Variants in DNAAF9 observed in about 807,000 individuals in gnomAD.
DNAAF9 encodes dynein axonemal assembly factor 9, also known as shulin.
A neutral mutation model predicts 167.0 loss-of-function variants in DNAAF9; 90 were observed. The ratio of observed to expected loss-of-function variants is 0.54; its 90% confidence interval spans 0.45 to 0.64. The LOEUF (loss-of-function observed/expected upper bound fraction) is 0.64, where lower values mean the gene tolerates loss of function less well. Among genes scored for constraint, DNAAF9 ranks in the 30% least tolerant of loss-of-function variants. DNAAF9 has a pLI of 0.00. For missense variants in DNAAF9, 1,315 were observed against 1,442.2 expected, an observed-to-expected ratio of 0.91 and a Z score of 1.43; for synonymous variants, 491 against 508.8, an observed-to-expected ratio of 0.96 and a Z score of 0.47.
In DNAAF9 at chr20:3,290,167, G is replaced by C; in HGVS notation, c.2289C>G (p.Leu763=). The stretch of plus-strand genomic sequence containing the variant: ...TATGCAGAGTGACCAGAAAAGCACA[G>C]AGCTCGCTAGCGTGACAGCCTGGGA... ...TGLPGCHASE[L]CAFLVTLHKE... The change falls in exon 26 of 37, where the codon CTC becomes CTG. Residue 763 remains leucine (L), a synonymous_variant. Transcript: ENST00000252032. 6.2e-7 allele frequency: 1 copy of C among 1,613,236 alleles called. No individual in the cohort carries two copies. Among genetic ancestry groups the C allele is most frequent in the Non-Finnish European group, 8.5e-7 (1 of 1,179,142 alleles).
At chr20:3,399,645 A>G (rs1251789001) in intron 1 of DNAAF9, among the ~76,000 whole-genome samples, 2 of 152,134 alleles carry the variant, frequency 1.3e-5, no homozygotes, top group Middle Eastern at 3.2e-3. Flanking sequence ...TCTAAAGAGA[A>G]CTGACTCAAC....
intron 29 of DNAAF9, among the ~76,000 whole-genome samples, chr20:3,277,416 C>G (rs1381290187): frequency 9.9e-5 from 15 of 152,206 alleles, no homozygotes; most frequent in Admixed American, 9.8e-4. Flanking sequence ...AACTCTATAT[C>G]TGGATACTGG....
At chr20:3,370,727 A>T (rs6037580) in intron 6 of DNAAF9, among the ~76,000 whole-genome samples, 1 of 151,970 alleles carries the variant, frequency 6.6e-6, no homozygotes, top group Admixed American at 6.6e-5. Context: ...TAATTTTTTT[A>T]AAATTTTTTT....
intron 9 of DNAAF9, among the ~76,000 whole-genome samples, chr20:3,341,020 G>C (rs578148194): frequency 9.1e-4 from 139 of 152,182 alleles, no homozygotes; most frequent in African/African-American, 3.2e-3. Context: ...ATGATACTTG[G>C]ACTAGACAGA....
intron 8 of DNAAF9, among the ~76,000 whole-genome samples, chr20:3,344,638 C>CT (rs1568617740): frequency 7.5e-6 from 1 of 132,794 alleles, no homozygotes; most frequent in African/African-American, 3.0e-5. Context: ...CACACACACA[C>CT]ACCTCATGTA....
chr20:3,327,166 T>G (rs984427020), intron 12 of DNAAF9, among the ~76,000 whole-genome samples: 2 of 152,182 alleles, frequency 1.3e-5, no homozygotes, highest in Non-Finnish European at 2.9e-5. Context: ...CTGGTTCATT[T>G]CAGGGAACCA....
intron 20 of DNAAF9, 83 bp from the exon 21 acceptor site, chr20:3,304,626 G>GT (rs1256842058): frequency 1.3e-5 from 9 of 713,500 alleles, no homozygotes; most frequent in Non-Finnish European, 2.3e-5. Context: ...CAGCAGTGTG[G>GT]TAACTAGAGG....
At chr20:3,263,520 G>C (rs2068431385) in intron 31 of DNAAF9, among the ~76,000 whole-genome samples, 1 of 152,112 alleles carries the variant, frequency 6.6e-6, no homozygotes, top group Non-Finnish European at 1.5e-5. Flanking sequence ...ATTCAACCTG[G>C]GTTTGAAATC....
chr20:3,302,631 C>T (rs2069210821), intron 21 of DNAAF9, among the ~76,000 whole-genome samples: 2 of 152,162 alleles, frequency 1.3e-5, no homozygotes, highest in Non-Finnish European at 2.9e-5. Context: ...TATTTACATA[C>T]ACAACATGGA....
rs994378228 is a variant in DNAAF9, at chr20:3,407,568, G to A, written c.-11C>T. 34 of 1,233,940 alleles carry A rather than the reference G, an allele frequency of 2.8e-5. No individual in the cohort carries two copies. The highest frequency in any genetic ancestry group is 3.4e-5 in the Non-Finnish European group (34 of 989,300). 76.4% of individuals were successfully genotyped at this position (1,233,940 alleles called of 1,614,324 possible). On this transcript the variant is annotated 5_prime_UTR_variant, in exon 1 of 37. Coordinates refer to ENST00000252032, the MANE Select transcript of DNAAF9 (RefSeq NM_001009984.3). ...GGGGTACACGTCCATGGCGGCGGACGACTGGCGGCGGAGGAGGACGGTGCA... is the reference window on the plus strand; with the variant it reads ...GGGGTACACGTCCATGGCGGCGGACAACTGGCGGCGGAGGAGGACGGTGCA...
intron 30 of DNAAF9, among the ~76,000 whole-genome samples, chr20:3,265,558 G>C (rs1269687289): frequency 2.3e-4 from 28 of 121,832 alleles, no homozygotes; most frequent in African/African-American, 8.4e-4. Context: ...CTGGGTGACA[G>C]AGTGAGACTC....
At chr20:3,340,833 G>T (rs2070071016) in intron 9 of DNAAF9, 194 bp from the exon 10 acceptor site, 2 of 568,134 alleles carry the variant, frequency 3.5e-6, no homozygotes, top group South Asian at 4.1e-5. Flanking sequence ...GACCCACAGG[G>T]ATCAGTTAAC....
intron 6 of DNAAF9, among the ~76,000 whole-genome samples, chr20:3,363,643 A>C (rs559195208): frequency 6.6e-6 from 1 of 152,098 alleles, no homozygotes; most frequent in Non-Finnish European, 1.5e-5. Context: ...GTATGAGCCC[A>C]GGAGTTCAAG....
chr20:3,402,434 A>G (rs1321879593), intron 1 of DNAAF9, among the ~76,000 whole-genome samples: 3 of 152,140 alleles, frequency 2.0e-5, no homozygotes, highest in Non-Finnish European at 2.9e-5. Flanking sequence ...ATATATAATC[A>G]TTAACTATAG....
chr20:3,258,255 C>T (rs898115932), intron 33 of DNAAF9, among the ~76,000 whole-genome samples: 1 of 152,172 alleles, frequency 6.6e-6, no homozygotes, highest in African/African-American at 2.4e-5. Context: ...CAGGGGCTGG[C>T]TGTTGGAGCC....
intron 10 of DNAAF9, among the ~76,000 whole-genome samples, chr20:3,338,180 G>A (rs770223299): frequency 9.2e-5 from 14 of 151,646 alleles, no homozygotes; most frequent in Non-Finnish European, 1.9e-4. Flanking sequence ...TTTTTTGTTT[G>A]AGAAAGTATT....
intron 35 of DNAAF9, 150 bp downstream of exon 35, chr20:3,255,069 G>A: frequency 1.7e-6 from 1 of 589,658 alleles, no homozygotes; most frequent in South Asian, 2.0e-5. Flanking sequence ...CCAGAATTCT[G>A]TACGCAGCTT....
chr20:3,275,354 A>T (rs1363862993), intron 29 of DNAAF9, among the ~76,000 whole-genome samples: 4 of 152,220 alleles, frequency 2.6e-5, no homozygotes, highest in African/African-American at 9.6e-5. Context: ...AAGAAACCAA[A>T]GTGTCAGACT....
At position 3,296,866 on chromosome 20, in the gene DNAAF9, C is replaced by T; in HGVS notation, c.2013G>A (p.Lys671=). 1 of 1,602,588 alleles carries T rather than the reference C, an allele frequency of 6.2e-7. No homozygotes were observed. Among genetic ancestry groups the T allele is most frequent in the Non-Finnish European group, 8.5e-7 (1 of 1,169,696 alleles). Residue 671 remains lysine (K), a synonymous_variant, in exon 23 of 37, where the codon AAG becomes AAA. Transcript: ENST00000252032. ...ATACTGAAGCAGCCACTTACAATCT[C>T]TTTTGTTCCACAGATAATCCATCTT... ...IQEDGLSVEQ[K]RLHSSAQKLF... is the part of the protein sequence containing the mutation.
Sources: gnomAD v4.1 joint callset for allele counts (sites outside exome capture counted in the v4.1 genomes callset) on GRCh38, gnomAD v4.1.1 for gene constraint, MANE v1.5 for transcripts, NCBI Gene and HGNC (gene_info 2026-07-23, HGNC 2026-07-21) for gene names.